Variants in ZNF521 observed in about 807,000 individuals in gnomAD.
ZNF521 encodes the protein LYST-interacting protein 3.
Under a neutral mutation model 105.5 loss-of-function variants are expected in ZNF521, and 14 were observed. The ratio of observed to expected loss-of-function variants is 0.13; its 90% CI spans 0.09 to 0.21. The LOEUF (loss-of-function observed/expected upper bound fraction) is 0.21, where lower values mean the gene tolerates loss of function less well. ZNF521 is among the 10% of genes least tolerant of loss of function. ZNF521 has a pLI of 1.00. For missense variants in ZNF521, 1,233 were observed against 1,629.7 expected (o/e 0.76, Z 4.19); for synonymous variants, 635 against 606.0 (o/e 1.05, Z -0.70).
intron 5 of ZNF521, among the ~76,000 whole-genome samples, chr18:25,181,792 C>A (rs183343761): frequency 6.6e-6 from 1 of 152,206 alleles, no homozygotes; most frequent in Admixed American, 6.5e-5. Context: ...ACACTGGTAC[C>A]GAAAAAGGAA....
At chr18:25,156,816 C>T (rs1032931525) in intron 5 of ZNF521, among the ~76,000 whole-genome samples, 2 of 152,134 alleles carry the variant, frequency 1.3e-5, no homozygotes, top group Non-Finnish European at 2.9e-5. Context: ...ATCTCATAGT[C>T]TTAAAACGTG....
Position 25,234,618 on chromosome 18 carries a change from A to G in ZNF521, c.221-6921T>C, listed in dbSNP as rs1370092766. Among the ~76,000 whole-genome samples the G allele has an allele frequency of 2.0e-5, 3 of 152,164 alleles. No homozygotes were observed. In the South Asian group the frequency reaches 6.2e-4, roughly 32 times the overall value. ...TATTATAAGACTCAAACATGACCTT[A>G]TATGAAGGAGTTTTCTGTACTGCTA... On this transcript the variant is annotated intron_variant, in intron 3 of 7. Transcript: ENST00000361524.
At chr18:25,063,406 C>T (rs2032963591) in intron 7 of ZNF521, among the ~76,000 whole-genome samples, 1 of 152,168 alleles carries the variant, frequency 6.6e-6, no homozygotes, top group Non-Finnish European at 1.5e-5. Context: ...CCAGGTCTCC[C>T]CTTGTCCCCG....
chr18:25,077,794 G>C (rs974591924), intron 7 of ZNF521, among the ~76,000 whole-genome samples: 1 of 152,050 alleles, frequency 6.6e-6, no homozygotes, highest in South Asian at 2.1e-4. Context: ...GCCTCTGTGT[G>C]AATATTTAAG....
chr18:25,236,492 C>T lies in ZNF521; in HGVS notation c.221-8795G>A, dbSNP rs977827560. Among the ~76,000 whole-genome samples, 12 of 150,544 alleles carry T rather than the reference C, an allele frequency of 8.0e-5. No individual in the cohort carries two copies. In the East Asian group the frequency reaches 1.2e-3, roughly 15 times the overall value. ...CAGAGGTTGCAGTGAGCCGAGATCA[C>T]GCCACTGCAGTCCAGCCTGGGTGAC... On this transcript the variant is annotated intron_variant, in intron 3 of 7. Transcript: ENST00000361524.
intron 3 of ZNF521, among the ~76,000 whole-genome samples, chr18:25,290,007 A>C (rs1910923414): frequency 1.3e-5 from 2 of 152,298 alleles, no homozygotes; most frequent in South Asian, 2.1e-4. Flanking sequence ...ATACAGTGCA[A>C]AAAAAAGACA....
intron 3 of ZNF521, among the ~76,000 whole-genome samples, chr18:25,242,551 G>T (rs1336736188): frequency 6.6e-6 from 1 of 151,960 alleles, no homozygotes; most frequent in Non-Finnish European, 1.5e-5. Context: ...CTTGCACAAT[G>T]AGTTTAATTT....
chr18:25,224,512 G>A lies in ZNF521; in HGVS notation c.3406C>T (p.Leu1136=), dbSNP rs762466551. The part of the protein sequence containing the change: ...AIEGKGKVGG[L]KTRCSSCNVK... ...TTGCAGCTAGAGCAGCGTGTCTTCA[G>A]TCCCCCCACCTTGCCTTTCCCCTCA... Residue 1136 remains leucine (L), a synonymous_variant, in exon 4 of 8, where the codon CTG becomes TTG. Coordinates refer to ENST00000361524, the MANE Select transcript of ZNF521 (RefSeq NM_015461.3). 1.2e-6 allele frequency: 2 copies of A among 1,614,012 alleles called. No homozygotes were observed. The highest frequency in any genetic ancestry group is 1.1e-5 in the South Asian group (1 of 91,070).
At position 25,233,820 on chromosome 18, in the gene ZNF521, A is replaced by G. The variant is rs537490671; in HGVS notation, c.221-6123T>C. The stretch of plus-strand genomic sequence containing the variant: ...TTAGGTAATCCTGGGCTTTTCATCC[A>G]TTCTTTCACCAGACACATTTCGATT... On this transcript the variant is annotated intron_variant, in intron 3 of 7. Transcript: ENST00000361524. 3.3e-5 allele frequency among the ~76,000 whole-genome samples: 5 copies of G among 152,306 alleles called. No homozygotes were observed. In the South Asian group the frequency reaches 1.0e-3, roughly 32 times the overall value.
intron 5 of ZNF521, among the ~76,000 whole-genome samples, chr18:25,096,434 T>G (rs35889630): frequency 0.05 from 7,540 of 152,270 alleles, 251 homozygotes; most frequent in East Asian, 0.13. Context: ...ATTTGGATGC[T>G]CAAGCACAGG....
At chr18:25,103,703 C>A (rs1160339424) in intron 5 of ZNF521, among the ~76,000 whole-genome samples, 1 of 147,176 alleles carries the variant, frequency 6.8e-6, no homozygotes, top group Non-Finnish European at 1.5e-5. Flanking sequence ...TTCTGTCAAT[C>A]AAGAGCTATC....
intron 4 of ZNF521, among the ~76,000 whole-genome samples, chr18:25,218,871 C>A (rs914824097): frequency 6.6e-6 from 1 of 151,884 alleles, no homozygotes; most frequent in Non-Finnish European, 1.5e-5. Context: ...AGAAAAATAG[C>A]TGACCCTCAA....
At chr18:25,255,759 C>A (rs1600219964) in intron 3 of ZNF521, among the ~76,000 whole-genome samples, 1 of 151,752 alleles carries the variant, frequency 6.6e-6, no homozygotes, top group African/African-American at 2.4e-5. Context: ...GAGAGTTAAG[C>A]ATACGACCCA....
chr18:25,126,538 A>C (rs1208164548), intron 5 of ZNF521, among the ~76,000 whole-genome samples: 3 of 152,112 alleles, frequency 2.0e-5, no homozygotes, highest in South Asian at 2.1e-4. Flanking sequence ...TCAACTGAAG[A>C]AGCAGCTCTG....
intron 3 of ZNF521, among the ~76,000 whole-genome samples, chr18:25,295,886 A>G (rs1389991709): frequency 6.6e-6 from 1 of 152,192 alleles, no homozygotes; most frequent in East Asian, 1.9e-4. Flanking sequence ...CCATTTTCCC[A>G]AAGTGGTTCT....
At chr18:25,272,871 T>C (rs1176224679) in intron 3 of ZNF521, among the ~76,000 whole-genome samples, 1 of 151,944 alleles carries the variant, frequency 6.6e-6, no homozygotes, top group Non-Finnish European at 1.5e-5. Context: ...GTAACAAACC[T>C]GCACATTCTG....
rs982365850 is a variant in ZNF521, at chr18:25,255,870, C to A, written c.221-28173G>T. Among the ~76,000 whole-genome samples, 3 of 151,238 alleles carry A rather than the reference C, an allele frequency of 2.0e-5. No individual in the cohort carries two copies. The East Asian group carries it at 5.8e-4, about 29-fold the overall frequency. ...TTCACTGCAGCATAATTCAGAAGAA[C>A]CAAGAGGCAGAAGCAACCTTCCATC... On this transcript the variant is annotated intron_variant, in intron 3 of 7. Transcript: ENST00000361524.
rs115805654 is a variant in ZNF521 at position 25,074,984 on chromosome 18, A to T, written c.3907-12243T>A. On this transcript the variant is annotated intron_variant, in intron 7 of 7. Transcript: ENST00000361524. ...TTCATTACAATAAAGCAATATAATT[A>T]AAAAAATCTCTTTAAAGTGAAGTAT... Among the ~76,000 whole-genome samples the T allele has an allele frequency of 4.3e-3, 655 of 152,328 alleles. 3 individuals are homozygous for T. Among genetic ancestry groups the T allele is most frequent in the African/African-American group, 0.015 (623 of 41,568 alleles).
intron 5 of ZNF521, among the ~76,000 whole-genome samples, chr18:25,094,563 C>A (rs1466830989): frequency 1.3e-5 from 2 of 151,818 alleles, no homozygotes; most frequent in African/African-American, 4.9e-5. Context: ...CTTTTTACAG[C>A]TTAAAAGCAC....
Sources: gnomAD v4.1 joint callset for allele counts (sites outside exome capture counted in the v4.1 genomes callset) on GRCh38, gnomAD v4.1.1 for gene constraint, MANE v1.5 for transcripts, NCBI Gene and HGNC (gene_info 2026-07-23, HGNC 2026-07-21) for gene names.